GRID1: variants seen among roughly 807,000 people sequenced by gnomAD.
The protein encoded by GRID1 is glutamate receptor ionotropic, delta-1.
In GRID1, 28 loss-of-function variants were observed where a neutral mutation model predicts 98.0. The observed-to-expected ratio is 0.29, with a 90% confidence interval of 0.21 to 0.39. The LOEUF (loss-of-function observed/expected upper bound fraction) is 0.39, where lower values mean the gene tolerates loss of function less well. GRID1 is among the 10% of genes least tolerant of loss of function. The pLI is 1.00. For synonymous variants in GRID1, 553 were observed against 538.5 expected (o/e 1.03, Z -0.37); for missense variants, 1,111 against 1,340.5 (o/e 0.83, Z 2.67).
chr10:86,040,777 T>G (rs2131898808), intron 4 of GRID1, among the ~76,000 whole-genome samples: 1 of 152,316 alleles, frequency 6.6e-6, no homozygotes, highest in African/African-American at 2.4e-5. Context: ...ATGACCAATG[T>G]TTAAGGTGAT....
chr10:86,360,155 A>G (rs1848582185), intron 2 of GRID1, among the ~76,000 whole-genome samples: 1 of 151,924 alleles, frequency 6.6e-6, no homozygotes, highest in South Asian at 2.1e-4. Flanking sequence ...CTCAGCATAA[A>G]TAGTTCCCTT....
At chr10:86,291,180 G>T (rs1013305699) in intron 2 of GRID1, among the ~76,000 whole-genome samples, 3 of 152,220 alleles carry the variant, frequency 2.0e-5, no homozygotes, top group Non-Finnish European at 4.4e-5. Flanking sequence ...GACCTGTGGC[G>T]GGGGGTGGAA....
chr10:86,081,479 G>A (rs1050680491), intron 4 of GRID1, among the ~76,000 whole-genome samples: 6 of 152,308 alleles, frequency 3.9e-5, no homozygotes, highest in Admixed American at 2.6e-4. Context: ...GGCCACAGAC[G>A]ATGGAAGCTG....
At chr10:85,768,919 C>T (rs948152969) in intron 8 of GRID1, among the ~76,000 whole-genome samples, 1 of 152,164 alleles carries the variant, frequency 6.6e-6, no homozygotes, top group Non-Finnish European at 1.5e-5. Context: ...TTCTCACACA[C>T]TTGTGAATTA....
intron 3 of GRID1, among the ~76,000 whole-genome samples, chr10:86,187,112 T>C (rs1754469154): frequency 6.6e-6 from 1 of 152,192 alleles, no homozygotes; most frequent in African/African-American, 2.4e-5. Context: ...AGGTGGGTTG[T>C]GGTAGGAAAA....
intron 4 of GRID1, among the ~76,000 whole-genome samples, chr10:85,943,114 T>A (rs1842015208): frequency 1.3e-5 from 2 of 152,220 alleles, no homozygotes; most frequent in South Asian, 4.1e-4. Flanking sequence ...TGTGCATATC[T>A]CTTGCTCACT....
chr10:85,715,040 A>C (rs1479069906), intron 12 of GRID1, among the ~76,000 whole-genome samples: 1 of 152,176 alleles, frequency 6.6e-6, no homozygotes, highest in African/African-American at 2.4e-5. Context: ...ATAAAAACAG[A>C]TATATAGACG....
At chr10:85,728,659 G>A (rs1006575584) in intron 9 of GRID1, among the ~76,000 whole-genome samples, 3 of 152,206 alleles carry the variant, frequency 2.0e-5, no homozygotes, top group Non-Finnish European at 4.4e-5. Flanking sequence ...ACATGTGAGC[G>A]AGGTGGTCAT....
At chr10:86,204,728 G>T (rs1432407555) in intron 3 of GRID1, among the ~76,000 whole-genome samples, 1 of 152,180 alleles carries the variant, frequency 6.6e-6, no homozygotes, top group Non-Finnish European at 1.5e-5. Flanking sequence ...AACTGTGTCT[G>T]CAGGCCAGAT....
intron 2 of GRID1, among the ~76,000 whole-genome samples, chr10:86,243,249 C>T (rs766203313): frequency 6.6e-6 from 1 of 152,176 alleles, no homozygotes; most frequent in Non-Finnish European, 1.5e-5. Context: ...GGCCCAGAGG[C>T]CTGGCTCTGC....
chr10:86,095,036 A>C (rs956789030), intron 4 of GRID1, among the ~76,000 whole-genome samples: 8 of 152,200 alleles, frequency 5.3e-5, no homozygotes, highest in Admixed American at 2.0e-4. Context: ...ACCAGAAATA[A>C]ACCCAAATAC....
At chr10:86,105,704 C>T (rs539364253) in intron 4 of GRID1, among the ~76,000 whole-genome samples, 6 of 152,262 alleles carry the variant, frequency 3.9e-5, no homozygotes, top group African/African-American at 7.2e-5. Flanking sequence ...AAGATGCCAT[C>T]CCCCCTCTCC....
intron 8 of GRID1, among the ~76,000 whole-genome samples, chr10:85,730,488 T>C (rs530251524): frequency 1.3e-5 from 2 of 152,300 alleles, no homozygotes; most frequent in East Asian, 3.9e-4. Flanking sequence ...GGCCTGAGCA[T>C]AGGAAGTGTT....
intron 8 of GRID1, among the ~76,000 whole-genome samples, chr10:85,824,178 TTTTGTTTG>T (rs3057656): frequency 0.086 from 12,974 of 151,638 alleles, 700 homozygotes; most frequent in Middle Eastern, 0.16. Flanking sequence ...AAAGAGTTGA[TTTTGTTTG>T]TTTGTTTGTT....
chr10:86,310,233 A>G (rs774490071), intron 2 of GRID1, among the ~76,000 whole-genome samples: 2 of 152,176 alleles, frequency 1.3e-5, no homozygotes, highest in Non-Finnish European at 2.9e-5. Context: ...CCAGGCCCAT[A>G]GCCACTAGTG....
intron 4 of GRID1, among the ~76,000 whole-genome samples, chr10:86,091,463 C>G (rs1186149248): frequency 6.6e-6 from 1 of 152,090 alleles, no homozygotes; most frequent in Non-Finnish European, 1.5e-5. Context: ...CCCCATCCCC[C>G]ACAGCAGCCA....
intron 4 of GRID1, among the ~76,000 whole-genome samples, chr10:86,093,814 G>A (rs558218713): frequency 9.9e-5 from 15 of 152,208 alleles, no homozygotes; most frequent in African/African-American, 3.6e-4. Context: ...CCACAAGAAA[G>A]ACAAAGAAGG....
chr10:86,029,404 A>C (rs1843156046), intron 4 of GRID1, among the ~76,000 whole-genome samples: 1 of 152,218 alleles, frequency 6.6e-6, no homozygotes, highest in Non-Finnish European at 1.5e-5. Flanking sequence ...GTCTGAGCTC[A>C]CCTTTAAGAG....
chr10:85,822,132 G>T (rs1842778518), intron 8 of GRID1, among the ~76,000 whole-genome samples: 3 of 152,164 alleles, frequency 2.0e-5, no homozygotes, highest in African/African-American at 7.2e-5. Context: ...CATGGGCAAG[G>T]ACTTCATGTC....
Sources: gnomAD v4.1 joint callset for allele counts (sites outside exome capture counted in the v4.1 genomes callset) on GRCh38, gnomAD v4.1.1 for gene constraint, MANE v1.5 for transcripts, NCBI Gene and HGNC (gene_info 2026-07-23, HGNC 2026-07-21) for gene names.